LRRN2: variants seen among roughly 807,000 people sequenced by gnomAD.
The protein encoded by LRRN2 is leucine-rich repeat neuronal protein 2.
In LRRN2, 10 loss-of-function variants were observed where a neutral mutation model predicts 35.7. That is an observed-to-expected ratio of 0.28 (90% CI 0.17 to 0.47). The LOEUF is 0.47. Among genes scored for constraint, LRRN2 ranks in the 20% least tolerant of loss-of-function variants. LRRN2 has a pLI of 0.99. For missense variants in LRRN2, 731 were observed against 940.3 expected, an observed-to-expected ratio of 0.78 and a Z score of 2.91; for synonymous variants, 391 against 409.6, an observed-to-expected ratio of 0.95 and a Z score of 0.55.
At chr1:204,651,334 G>C (rs934784162) in intron 1 of LRRN2, among the ~76,000 whole-genome samples, 4 of 152,244 alleles carry the variant, frequency 2.6e-5, no homozygotes, top group Non-Finnish European at 5.9e-5. Context: ...AGAGAAATCG[G>C]CTGAGCCAAC....
intron 1 of LRRN2, among the ~76,000 whole-genome samples, chr1:204,664,855 C>T (rs1489892624): frequency 6.6e-6 from 1 of 152,190 alleles, no homozygotes; most frequent in Non-Finnish European, 1.5e-5. Flanking sequence ...CCGGCAGGCC[C>T]ATCCTCCACT....
intron 1 of LRRN2, among the ~76,000 whole-genome samples, chr1:204,636,010 C>T (rs1476663753): frequency 6.6e-6 from 1 of 152,250 alleles, no homozygotes. Flanking sequence ...TCCACCATCA[C>T]TATGGTCAGC....
chr1:204,657,014 T>C (rs905064646), intron 1 of LRRN2, among the ~76,000 whole-genome samples: 1 of 152,100 alleles, frequency 6.6e-6, no homozygotes, highest in Non-Finnish European at 1.5e-5. Flanking sequence ...TAAAAAAATA[T>C]GGTATATCTG....
chr1:204,636,309 G>A (rs1667832542), intron 1 of LRRN2, among the ~76,000 whole-genome samples: 1 of 152,144 alleles, frequency 6.6e-6, no homozygotes, highest in African/African-American at 2.4e-5. Flanking sequence ...AAAATAAGTG[G>A]ATTCACATGC....
intron 1 of LRRN2, among the ~76,000 whole-genome samples, chr1:204,679,055 G>A (rs11240245): frequency 0.06 from 9,204 of 152,156 alleles, 874 homozygotes; most frequent in African/African-American, 0.21. Flanking sequence ...GCCTGGTGGC[G>A]CTCGAGATGG....
intron 1 of LRRN2, among the ~76,000 whole-genome samples, chr1:204,662,689 G>GAAC (rs1459147136): frequency 6.6e-6 from 1 of 152,182 alleles, no homozygotes; most frequent in Non-Finnish European, 1.5e-5. Flanking sequence ...TTCAGGTAAA[G>GAAC]AACAACTTGT....
intron 1 of LRRN2, among the ~76,000 whole-genome samples, chr1:204,682,427 A>G (rs985443083): frequency 1.3e-5 from 2 of 152,224 alleles, no homozygotes; most frequent in South Asian, 2.1e-4. Context: ...AAGCCTTAGT[A>G]TAAGTGTACA....
intron 1 of LRRN2, among the ~76,000 whole-genome samples, chr1:204,623,028 T>A (rs868297177): frequency 6.6e-6 from 1 of 152,098 alleles, no homozygotes; most frequent in Non-Finnish European, 1.5e-5. Flanking sequence ...TAGGGGACAA[T>A]AGAAGTTGGC....
At chr1:204,669,002 T>G (rs1668649073) in intron 1 of LRRN2, among the ~76,000 whole-genome samples, 1 of 152,128 alleles carries the variant, frequency 6.6e-6, no homozygotes, top group South Asian at 2.1e-4. Flanking sequence ...TTTTAAATCT[T>G]TTGTAGAGAT....
Position 204,666,467 on chromosome 1 carries a change from G to T in LRRN2, c.-227+18853C>A, listed in dbSNP as rs79085031. On this transcript the variant is annotated intron_variant, in intron 1 of 1. Coordinates refer to ENST00000367177, the MANE Select transcript of LRRN2 (RefSeq NM_201630.2). ...GCTTATTGCTAAACATTTATTAAGTGCCACTTGCTAGTCATGTGATCCTGG... is the reference window on the plus strand; with the variant it reads ...GCTTATTGCTAAACATTTATTAAGTTCCACTTGCTAGTCATGTGATCCTGG... 3.8e-4 allele frequency among the ~76,000 whole-genome samples: 58 copies of T among 152,320 alleles called. No homozygotes were observed. In the East Asian group the frequency reaches 0.01, roughly 27 times the overall value.
At chr1:204,681,581 C>G (rs1668956413) in intron 1 of LRRN2, among the ~76,000 whole-genome samples, 1 of 152,218 alleles carries the variant, frequency 6.6e-6, no homozygotes, top group African/African-American at 2.4e-5. Context: ...AATCTCTACT[C>G]TGACGGTGAA....
At chr1:204,623,967 C>T (rs1667118068) in intron 1 of LRRN2, among the ~76,000 whole-genome samples, 2 of 152,184 alleles carry the variant, frequency 1.3e-5, no homozygotes, top group Admixed American at 1.3e-4. Context: ...GAGTCAGAAA[C>T]GTTAGGTGAT....
chr1:204,617,229 A>C lies in LRRN2; in HGVS notation c.*622T>G, dbSNP rs1468947947. On this transcript the variant is annotated 3_prime_UTR_variant, in exon 2 of 2. Coordinates refer to ENST00000367177, the MANE Select transcript of LRRN2 (RefSeq NM_201630.2). ...GTTATTATTTATTTTTATTTTTTAC[A>C]AAACAGGAGAAAAGAGTGAATCGGG... 1 of 152,530 alleles carries C rather than the reference A, an allele frequency of 6.6e-6. No individual in the cohort carries two copies. Among genetic ancestry groups the C allele is most frequent in the African/African-American group, 2.4e-5 (1 of 41,450 alleles). 9.4% of individuals were successfully genotyped at this position (152,530 alleles called of 1,614,324 possible).
At chr1:204,626,541 G>A (rs1189757401) in intron 1 of LRRN2, among the ~76,000 whole-genome samples, 3 of 151,976 alleles carry the variant, frequency 2.0e-5, no homozygotes, top group South Asian at 2.1e-4. Flanking sequence ...CCCCTGTGAC[G>A]CTTTCCCTTA....
chr1:204,670,537 C>T (rs767237904), intron 1 of LRRN2, among the ~76,000 whole-genome samples: 7 of 152,006 alleles, frequency 4.6e-5, no homozygotes, highest in Non-Finnish European at 7.4e-5. Flanking sequence ...TGGATGACAA[C>T]GGAAGCCGTT....
intron 1 of LRRN2, among the ~76,000 whole-genome samples, chr1:204,668,476 A>G (rs1339809744): frequency 6.6e-6 from 1 of 152,072 alleles, no homozygotes; most frequent in East Asian, 1.9e-4. Flanking sequence ...GTGCCTGTGG[A>G]CCCAGCTACT....
rs1277859303 is a variant in LRRN2 at position 204,620,144 on chromosome 1, C to T, written c.-152G>A. 2.7e-6 allele frequency: 4 copies of T among 1,456,112 alleles called. No individual in the cohort carries two copies. Among genetic ancestry groups the T allele is most frequent in the South Asian group, 2.9e-5 (2 of 67,814 alleles). The allele number at this position is 1,456,112 out of a possible 1,614,324, so 90.2% of individuals were successfully genotyped here. On this transcript the variant is annotated 5_prime_UTR_variant, in exon 2 of 2. Coordinates refer to ENST00000367177, the MANE Select transcript of LRRN2 (RefSeq NM_201630.2). Reference sequence around the variant, plus strand: ...ACACCGGGCGTCACTTCTTGCCCTCCTCAATATGCCTTCTCTTCCTTGTCC... The same window carrying T: ...ACACCGGGCGTCACTTCTTGCCCTCTTCAATATGCCTTCTCTTCCTTGTCC...
In LRRN2 at chr1:204,619,647, G is replaced by A; in HGVS notation, c.346C>T (p.Leu116=). 6.2e-7 allele frequency: 1 copy of A among 1,614,228 alleles called. No individual in the cohort carries two copies. The highest frequency in any genetic ancestry group is 8.5e-7 in the Non-Finnish European group (1 of 1,180,052). Residue 116 remains leucine (L), a synonymous_variant, in exon 2 of 2, where the codon CTG becomes TTG. Coordinates refer to ENST00000367177, the MANE Select transcript of LRRN2 (RefSeq NM_201630.2). ...SDARDCDFHA[L]PQLLSLHLEE... is the part of the protein sequence containing the mutation. ...AGGTGCAGGCTCAGCAGCTGGGGCA[G>A]GGCATGGAAATCACAGTCTCGGGCA...
At chr1:204,635,090 C>T (rs1054677263) in intron 1 of LRRN2, among the ~76,000 whole-genome samples, 2 of 152,116 alleles carry the variant, frequency 1.3e-5, no homozygotes, top group South Asian at 2.1e-4. Context: ...CCTGCCTACT[C>T]ACAGGACCAT....
Sources: allele counts gnomAD v4.1 joint callset (sites outside exome capture counted in the v4.1 genomes callset), GRCh38; gene constraint gnomAD v4.1.1; transcripts MANE v1.5; gene names NCBI Gene and HGNC (gene_info 2026-07-23, HGNC 2026-07-21).